USP12: variants seen among roughly 807,000 people sequenced by gnomAD.
USP12 encodes the protein ubiquitin carboxyl-terminal hydrolase 12.
A neutral mutation model predicts 45.5 loss-of-function variants in USP12; 19 were observed. The observed-to-expected ratio is 0.42, with a 90% CI of 0.29 to 0.61. The LOEUF (loss-of-function observed/expected upper bound fraction) is 0.61. USP12 is among the 20% of genes least tolerant of loss of function. The pLI is 0.22. For synonymous variants in USP12, 149 were observed against 148.8 expected (o/e 1.00, Z -0.01); for missense variants, 242 against 447.7 (o/e 0.54, Z 4.15).
chr13:27,144,748 T>C (rs1379080287), intron 1 of USP12, among the ~76,000 whole-genome samples: 1 of 67,688 alleles, frequency 1.5e-5, no homozygotes, highest in African/African-American at 5.1e-5. Context: ...TTTTTTGTTG[T>C]TTTTTTTTTT....
intron 1 of USP12, among the ~76,000 whole-genome samples, chr13:27,119,111 A>G (rs887682487): frequency 6.6e-6 from 1 of 152,234 alleles, no homozygotes; most frequent in Non-Finnish European, 1.5e-5. Context: ...GGTGTCCAAT[A>G]AATGTTGGTC....
At chr13:27,168,418 A>T (rs973127883) in intron 1 of USP12, among the ~76,000 whole-genome samples, 2 of 152,226 alleles carry the variant, frequency 1.3e-5, no homozygotes, top group African/African-American at 4.8e-5. Flanking sequence ...CCACTACTGC[A>T]TGCCCATGAC....
At chr13:27,075,423 A>G (rs780364141) in intron 6 of USP12, 35 bp from the exon 7 acceptor site, 35 of 1,548,934 alleles carry the variant, frequency 2.3e-5, no homozygotes, top group Non-Finnish European at 3.0e-5. Flanking sequence ...AAATTTCATA[A>G]AAGATATCCA....
chr13:27,080,296 G>C (rs945186855), intron 6 of USP12, among the ~76,000 whole-genome samples: 3 of 152,172 alleles, frequency 2.0e-5, no homozygotes, highest in Non-Finnish European at 2.9e-5. Context: ...TTGCTGATAT[G>C]ATTTTGACAT....
chr13:27,114,416 G>C (rs910748392), intron 2 of USP12, among the ~76,000 whole-genome samples: 1 of 152,206 alleles, frequency 6.6e-6, no homozygotes, highest in African/African-American at 2.4e-5. Flanking sequence ...TGGCCTGTAA[G>C]TGGGATACTT....
chr13:27,108,549 G>A (rs1247557929), intron 2 of USP12, among the ~76,000 whole-genome samples: 2 of 148,554 alleles, frequency 1.3e-5, no homozygotes, highest in South Asian at 2.1e-4. Context: ...AAAAAGAAAT[G>A]TACAATGTGC....
At chr13:27,127,099 C>A (rs544970073) in intron 1 of USP12, among the ~76,000 whole-genome samples, 1 of 152,184 alleles carries the variant, frequency 6.6e-6, no homozygotes, top group African/African-American at 2.4e-5. Flanking sequence ...CCTCTAGTGG[C>A]CTCCTCTATG....
At chr13:27,073,576 G>C (rs971658710) in intron 7 of USP12, among the ~76,000 whole-genome samples, 1 of 152,204 alleles carries the variant, frequency 6.6e-6, no homozygotes, top group African/African-American at 2.4e-5. Context: ...TCTCAGCTCA[G>C]TATATTGTGA....
At chr13:27,073,888 A>G (rs1015809215) in intron 7 of USP12, among the ~76,000 whole-genome samples, 4 of 152,186 alleles carry the variant, frequency 2.6e-5, no homozygotes, top group African/African-American at 9.7e-5. Flanking sequence ...CTGAGATCCA[A>G]GTTTCTCTCA....
chr13:27,092,308 G>A (rs935544334), intron 4 of USP12, among the ~76,000 whole-genome samples: 5 of 152,128 alleles, frequency 3.3e-5, no homozygotes, highest in African/African-American at 1.2e-4. Flanking sequence ...TCATCTATAG[G>A]TTCAGCAAAA....
At chr13:27,154,219 A>C (rs766667707) in intron 1 of USP12, among the ~76,000 whole-genome samples, 19 of 152,252 alleles carry the variant, frequency 1.2e-4, no homozygotes, top group Admixed American at 2.6e-4. Flanking sequence ...TATGCTGTAA[A>C]TATAAAAGGT....
At chr13:27,089,136 A>C (rs1874200329) in intron 6 of USP12, among the ~76,000 whole-genome samples, 1 of 152,214 alleles carries the variant, frequency 6.6e-6, no homozygotes, top group South Asian at 2.1e-4. Context: ...CGAATGCTAA[A>C]TGTAATGTGG....
At chr13:27,160,446 T>A (rs2137842183) in intron 1 of USP12, among the ~76,000 whole-genome samples, 1 of 145,298 alleles carries the variant, frequency 6.9e-6, no homozygotes, top group African/African-American at 2.6e-5. Context: ...AAAAATGCAA[T>A]AAAAACAAAT....
At chr13:27,143,569 ATCCCTCAGAT>A (rs1566001997) in intron 1 of USP12, among the ~76,000 whole-genome samples, 3 of 152,194 alleles carry the variant, frequency 2.0e-5, no homozygotes, top group African/African-American at 2.4e-5. Flanking sequence ...CAACTGCCAA[ATCCCTCAGAT>A]TACATGGTAA....
intron 3 of USP12, among the ~76,000 whole-genome samples, chr13:27,097,763 TCAA>T (rs1453302811): frequency 1.3e-5 from 2 of 152,194 alleles, no homozygotes; most frequent in African/African-American, 4.8e-5. Context: ...TGTATTCTGT[TCAA>T]CAACAACCAC....
intron 3 of USP12, among the ~76,000 whole-genome samples, chr13:27,103,657 A>AATCC (rs1874985631): frequency 6.7e-6 from 1 of 149,394 alleles, no homozygotes; most frequent in Non-Finnish European, 1.5e-5. Context: ...TCATGCCTGT[A>AATCC]ATCCAACACT....
At chr13:27,117,634 A>C in intron 1 of USP12, 1 of 356,602 alleles carries the variant, frequency 2.8e-6, no homozygotes. Context: ...TGTGTTTAAT[A>C]GCACACGGAA....
intron 7 of USP12, among the ~76,000 whole-genome samples, chr13:27,072,591 A>G (rs1215342091): frequency 1.3e-5 from 2 of 152,098 alleles, no homozygotes; most frequent in Non-Finnish European, 2.9e-5. Flanking sequence ...TTGCCCAAAT[A>G]CCCCTTCAGT....
At chr13:27,094,369 G>A (rs897183422) in intron 4 of USP12, among the ~76,000 whole-genome samples, 10 of 151,942 alleles carry the variant, frequency 6.6e-5, no homozygotes, top group African/African-American at 2.4e-4. Flanking sequence ...GGGGGTGATG[G>A]CATGCACTGT....
Sources: allele counts gnomAD v4.1 joint callset (sites outside exome capture counted in the v4.1 genomes callset), GRCh38; gene constraint gnomAD v4.1.1; transcripts MANE v1.5; gene names NCBI Gene and HGNC (gene_info 2026-07-23, HGNC 2026-07-21).